EOGT: variants seen among roughly 807,000 people sequenced by gnomAD.
The protein encoded by EOGT is EGF domain specific O-linked N-acetylglucosamine transferase.
Under a neutral mutation model 70.5 loss-of-function variants are expected in EOGT, and 55 were observed. The observed-to-expected ratio is 0.78, with a 90% CI of 0.63 to 0.98. The LOEUF is 0.98. EOGT is among the 50% of genes least tolerant of loss of function. EOGT has a pLI of 0.00. For missense variants in EOGT, 703 were observed against 641.9 expected, an observed-to-expected ratio of 1.10 and a Z score of -1.03; for synonymous variants, 246 against 217.1, an observed-to-expected ratio of 1.13 and a Z score of -1.17.
Position 68,979,685 on chromosome 3 carries a change from C to T in EOGT, c.1317G>A (p.Trp439Ter), listed in dbSNP as rs2090578176. 1.9e-6 allele frequency: 3 copies of T among 1,613,776 alleles called. No individual in the cohort carries two copies. In the South Asian group the frequency reaches 3.3e-5, roughly 18 times the overall value. ...GLTHLLFLPDWAAVFELYNCE... is the reference protein window; with the variant it reads ...GLTHLLFLPD ...ACACTTACAGTTCAAATACAGCAGC[C>T]CAGTCTGGAAGGAAAAGTAAATGGG... Residue 439 changes from tryptophan to a stop codon, truncating the protein, a stop_gained, in exon 16 of 18, where the codon TGG becomes TGA. Coordinates refer to ENST00000383701, the MANE Select transcript of EOGT (RefSeq NM_001278689.2). LOFTEE classifies it high-confidence loss of function.
chr3:68,982,760 C>T (rs747311555), intron 15 of EOGT, 51 bp downstream of exon 15: 2 of 1,431,030 alleles, frequency 1.4e-6, no homozygotes, highest in South Asian at 2.5e-5. Context: ...GCCCCCTTGA[C>T]CTCATCCAAG....
rs111867387 is a variant in EOGT, at chr3:68,982,393, G to A, written c.1214+418C>T. Among the ~76,000 whole-genome samples, 8 of 152,164 alleles carry A rather than the reference G, an allele frequency of 5.3e-5. 1 individual carries two copies. In the South Asian group the frequency reaches 8.3e-4, roughly 16 times the overall value. On this transcript the variant is annotated intron_variant, in intron 15 of 17. Coordinates refer to ENST00000383701, the MANE Select transcript of EOGT (RefSeq NM_001278689.2). ...AAATTAGCCGGATATGGTGGCACAC[G>A]CCTGTAGTCCCAGCTACTCGGGAGG...
chr3:69,005,306 C>T, intron 6 of EOGT, 72 bp from the exon 7 acceptor site: 1 of 797,308 alleles, frequency 1.3e-6, no homozygotes, highest in Non-Finnish European at 2.1e-6. Flanking sequence ...ACTTGCTAGA[C>T]ACACTGACAG....
At chr3:69,008,746 C>T (rs567821127) in intron 4 of EOGT, among the ~76,000 whole-genome samples, 1 of 152,310 alleles carries the variant, frequency 6.6e-6, no homozygotes, top group Admixed American at 6.5e-5. Flanking sequence ...CCATATCGGT[C>T]CCCTAACCGA....
chr3:68,985,398 T>C (rs901616827), intron 14 of EOGT, among the ~76,000 whole-genome samples: 1 of 152,150 alleles, frequency 6.6e-6, no homozygotes, highest in Non-Finnish European at 1.5e-5. Context: ...ATCAGCCTGT[T>C]AGGCAGCCAA....
intron 3 of EOGT, 73 bp from the exon 4 acceptor site, chr3:69,009,933 C>CAACAAAAA: frequency 6.7e-5 from 17 of 255,098 alleles, no homozygotes; most frequent in East Asian, 1.8e-4. Context: ...ACAACAACAA[C>CAACAAAAA]AAAAAAAAAA....
At position 68,977,601 on chromosome 3, in the gene EOGT, A is replaced by G. The variant is rs2090507068; in HGVS notation, c.*17T>C. On this transcript the variant is annotated 3_prime_UTR_variant, in exon 18 of 18. Coordinates refer to ENST00000383701, the MANE Select transcript of EOGT (RefSeq NM_001278689.2). ...GAGTGTTTAAACACTCTCTTTTTGC[A>G]AACAGACTCAGCATATTTATAGCTC... 6.2e-7 allele frequency: 1 copy of G among 1,611,220 alleles called. No homozygotes were observed. The highest frequency in any genetic ancestry group is 1.3e-5 in the African/African-American group (1 of 74,606).
chr3:68,977,377 T>A lies in EOGT; in HGVS notation c.*241A>T, dbSNP rs2090500543. On this transcript the variant is annotated 3_prime_UTR_variant, in exon 18 of 18. Coordinates refer to ENST00000383701, the MANE Select transcript of EOGT (RefSeq NM_001278689.2). ...TAAAGTATACTGGGGAGTCCATGCT[T>A]AATTTTTGAACTATAAAAAGTTTTC... The A allele has an allele frequency of 2.3e-6, 1 of 426,126 alleles. No individual in the cohort carries two copies. The highest frequency in any genetic ancestry group is 4.1e-6 in the Non-Finnish European group (1 of 242,782). 26.4% of individuals were successfully genotyped at this position (426,126 alleles called of 1,614,324 possible).
At chr3:68,994,381 T>C (rs1238792825) in intron 10 of EOGT, among the ~76,000 whole-genome samples, 2 of 152,080 alleles carry the variant, frequency 1.3e-5, no homozygotes, top group Non-Finnish European at 2.9e-5. Context: ...ACACGTTAAA[T>C]GCAGTTACCC....
chr3:69,002,525 G>A (rs2091323654), intron 8 of EOGT, among the ~76,000 whole-genome samples: 1 of 152,086 alleles, frequency 6.6e-6, no homozygotes, highest in African/African-American at 2.4e-5. Flanking sequence ...AGTCTGCTAA[G>A]TGACTTGAGA....
At chr3:69,003,079 T>C (rs960947075) in intron 8 of EOGT, among the ~76,000 whole-genome samples, 2 of 152,132 alleles carry the variant, frequency 1.3e-5, no homozygotes, top group Admixed American at 6.5e-5. Flanking sequence ...GCATCCTGAT[T>C]GTGGTGGTCG....
chr3:68,981,026 G>A (rs868215637), intron 15 of EOGT, among the ~76,000 whole-genome samples: 6 of 152,102 alleles, frequency 3.9e-5, no homozygotes, highest in African/African-American at 1.4e-4. Flanking sequence ...GACTGATGTG[G>A]GGGCCCCATA....
intron 8 of EOGT, among the ~76,000 whole-genome samples, chr3:69,003,199 A>C (rs1276569702): frequency 6.6e-6 from 1 of 152,210 alleles, no homozygotes; most frequent in Non-Finnish European, 1.5e-5. Context: ...GCACAAGTTA[A>C]TACTACTGTA....
At chr3:68,987,211 T>C (rs1164961123) in intron 14 of EOGT, among the ~76,000 whole-genome samples, 1 of 152,228 alleles carries the variant, frequency 6.6e-6, no homozygotes, top group Non-Finnish European at 1.5e-5. Flanking sequence ...GCTTTTTCCA[T>C]GCTGAGTTGA....
chr3:69,007,512 G>GGGGGGGCC (rs1262936997), intron 6 of EOGT, among the ~76,000 whole-genome samples: 1 of 60,326 alleles, frequency 1.7e-5, no homozygotes, highest in Non-Finnish European at 3.7e-5. Flanking sequence ...ATTAGCGGGG[G>GGGGGGGCC]GGGGTGGCAC....
chr3:69,007,415 G>C lies in EOGT; in HGVS notation c.420+298C>G, dbSNP rs543110493. Among the ~76,000 whole-genome samples, 9 of 151,726 alleles carry C rather than the reference G, an allele frequency of 5.9e-5. No homozygotes were observed. In the South Asian group the frequency reaches 1.9e-3, roughly 32 times the overall value. ...CGCCTGTAATCCCAGCACTTTGGGA[G>C]GCTGAGGTGGGTGGATCCCTTGAGG... is the stretch of plus-strand genomic sequence containing the variant. On this transcript the variant is annotated intron_variant, in intron 6 of 17. Coordinates refer to ENST00000383701, the MANE Select transcript of EOGT (RefSeq NM_001278689.2).
At chr3:69,004,624 G>A (rs936765146) in intron 7 of EOGT, 142 bp from the exon 8 acceptor site, 26 of 631,666 alleles carry the variant, frequency 4.1e-5, no homozygotes, top group Non-Finnish European at 7.2e-5. Context: ...AATTTCAAGT[G>A]TATATGAAAG....
chr3:69,002,629 A>G (rs2091326725), intron 8 of EOGT, among the ~76,000 whole-genome samples: 1 of 140,176 alleles, frequency 7.1e-6, no homozygotes, highest in East Asian at 2.0e-4. Flanking sequence ...CTTTAAGGAC[A>G]AAAAAAAAAA....
chr3:69,009,860 C>T lies in EOGT; in HGVS notation c.-14G>A. ...CAACATTAACATAGCAACCTGCAAA[C>T]CTAGAGATCAAAATGAAGACAACTT... On this transcript the variant is annotated splice_region_variant and 5_prime_UTR_variant, in exon 4 of 18. Coordinates refer to ENST00000383701, the MANE Select transcript of EOGT (RefSeq NM_001278689.2). 1 of 1,603,368 alleles carries T rather than the reference C, an allele frequency of 6.2e-7. No homozygotes were observed. Among genetic ancestry groups the T allele is most frequent in the South Asian group, 1.1e-5 (1 of 89,876 alleles).
Sources: allele counts gnomAD v4.1 joint callset (sites outside exome capture counted in the v4.1 genomes callset), GRCh38; gene constraint gnomAD v4.1.1; transcripts MANE v1.5; gene names NCBI Gene and HGNC (gene_info 2026-07-23, HGNC 2026-07-21).